PXDN: variants seen among roughly 807,000 people sequenced by gnomAD.
The protein encoded by PXDN is peroxidasin homolog.
PXDN carries 77 observed loss-of-function variants against 140.3 expected under a neutral mutation model. The ratio of observed to expected loss-of-function variants is 0.55; its 90% CI spans 0.46 to 0.66. The LOEUF is 0.66. Ranked by LOEUF, PXDN falls within the 30% of genes least tolerant of loss-of-function variation. The pLI is 0.00. For synonymous variants in PXDN, 911 were observed against 857.4 expected, an observed-to-expected ratio of 1.06 and a Z score of -1.09; for missense variants, 1,838 against 2,039.5, an observed-to-expected ratio of 0.90 and a Z score of 1.90.
chr2:1,686,440 C>T (rs1684059343), intron 4 of PXDN, among the ~76,000 whole-genome samples: 1 of 152,148 alleles, frequency 6.6e-6, no homozygotes, highest in Non-Finnish European at 1.5e-5. Flanking sequence ...CTTGCCCTTT[C>T]CTTCCTTAAA....
At chr2:1,716,816 G>A (rs1318411572) in intron 1 of PXDN, among the ~76,000 whole-genome samples, 1 of 152,166 alleles carries the variant, frequency 6.6e-6, no homozygotes, top group South Asian at 2.1e-4. Context: ...CAAACATGAG[G>A]GGCTGGAAAA....
chr2:1,709,594 G>A (rs974068322), intron 1 of PXDN, among the ~76,000 whole-genome samples: 2 of 152,168 alleles, frequency 1.3e-5, no homozygotes, highest in Non-Finnish European at 2.9e-5. Flanking sequence ...AACAAGATGC[G>A]CTCCTGACTG....
In PXDN at chr2:1,638,948, G is replaced by A. The variant is rs1447444077; in HGVS notation, c.4104C>T (p.Asn1368=). ...SVGRQGEHLS[N]STSAFSTRSD... ...AGCGTGTGCTGAAGGCTGAGGTGCTGTTGCTGAGATGTTCCCCCTGTCTCC... is the reference window on the plus strand; with the variant it reads ...AGCGTGTGCTGAAGGCTGAGGTGCTATTGCTGAGATGTTCCCCCTGTCTCC... Residue 1368 remains asparagine (N), a synonymous_variant, in exon 21 of 23, where the codon AAC becomes AAT. Transcript: ENST00000252804. 4 of 1,613,876 alleles carry A rather than the reference G, an allele frequency of 2.5e-6. No homozygotes were observed. In the African/African-American group the frequency reaches 4.0e-5, roughly 16 times the overall value.
At chr2:1,682,595 A>C (rs1382882340) in intron 6 of PXDN, among the ~76,000 whole-genome samples, 1 of 152,228 alleles carries the variant, frequency 6.6e-6, no homozygotes, top group African/African-American at 2.4e-5. Flanking sequence ...AAAATGCCTT[A>C]ATTATAAGAA....
At chr2:1,640,548 A>G in intron 19 of PXDN, among the ~76,000 whole-genome samples, 1 of 152,170 alleles carries the variant, frequency 6.6e-6, no homozygotes, top group Non-Finnish European at 1.5e-5. Context: ...AAACAGTCCC[A>G]CTGAATGTGT....
chr2:1,739,518 ACT>A (rs1685492668), intron 1 of PXDN, among the ~76,000 whole-genome samples: 1 of 152,138 alleles, frequency 6.6e-6, no homozygotes, highest in South Asian at 2.1e-4. Flanking sequence ...GAGCTCAATT[ACT>A]CTGACTTCCT....
chr2:1,727,213 A>C (rs1473691710), intron 1 of PXDN, among the ~76,000 whole-genome samples: 1 of 152,086 alleles, frequency 6.6e-6, no homozygotes, highest in African/African-American at 2.4e-5. Context: ...CACCCGGAGA[A>C]CCGCCACCGC....
In PXDN at chr2:1,676,919, C is replaced by G. The variant is rs1315223461; in HGVS notation, c.848+8G>C. On this transcript the variant is annotated splice_region_variant and intron_variant, in intron 8 of 22. Transcript: ENST00000252804. ...GCACAGGGGCATTTCTGTTTGGCCC[C>G]AACTCACTTGTTTCGCAGCCAGATG... 1 of 1,606,942 alleles carries G rather than the reference C, an allele frequency of 6.2e-7. No homozygotes were observed. The highest frequency in any genetic ancestry group is 1.7e-5 in the Admixed American group (1 of 59,204).
rs200165922 is a variant in PXDN, at chr2:1,647,390, G to C, written c.3608+782C>G. Among the ~76,000 whole-genome samples, 11 of 152,300 alleles carry C rather than the reference G, an allele frequency of 7.2e-5. No homozygotes were observed. In the East Asian group the frequency reaches 1.4e-3, roughly 19 times the overall value. On this transcript the variant is annotated intron_variant, in intron 17 of 22. Transcript: ENST00000252804. The stretch of plus-strand genomic sequence containing the variant: ...TGGGAAGGGGACTGGCTATGGACCC[G>C]GCAGCCCTGATCCTACCCCAGTCCT...
At position 1,643,478 on chromosome 2, in the gene PXDN, ATGT is replaced by A. The variant is rs779277565; in HGVS notation, c.3839_3841del (p.Asn1280del). 8 of 1,613,796 alleles carry A rather than the reference ATGT, an allele frequency of 5.0e-6. No individual in the cohort carries two copies. The African/African-American group carries it at 1.1e-4, about 22-fold the overall frequency. ...GAACACGTCGCTCTGCACCCGGGTG[ATGT>A]TGTCCGCGTTGTCGCATAGGATCCT... On this transcript the variant is annotated inframe_deletion, in exon 19 of 23. Coordinates refer to ENST00000252804, the MANE Select transcript of PXDN (RefSeq NM_012293.3).
chr2:1,635,032 TTACC>T (rs1472802057), intron 22 of PXDN, among the ~76,000 whole-genome samples: 1 of 152,172 alleles, frequency 6.6e-6, no homozygotes, highest in Admixed American at 6.5e-5. Context: ...AGGTCAGTGT[TTACC>T]CACCAGCTCT....
Position 1,710,130 on chromosome 2 carries a change from G to A in PXDN, c.201-16996C>T, listed in dbSNP as rs569556362. 7.9e-5 allele frequency among the ~76,000 whole-genome samples: 12 copies of A among 152,268 alleles called. No homozygotes were observed. The East Asian group carries it at 9.7e-4, about 12-fold the overall frequency. ...AATAGCCCTGCAATGACAAGCTTTC[G>A]GTACATCCCATCTGTGATGCGTGTT... is the stretch of plus-strand genomic sequence containing the variant. On this transcript the variant is annotated intron_variant, in intron 1 of 22. Transcript: ENST00000252804.
chr2:1,740,313 G>A lies in PXDN; in HGVS notation c.200+3943C>T, dbSNP rs192994439. On this transcript the variant is annotated intron_variant, in intron 1 of 22. Transcript: ENST00000252804. ...CGTGTGAGGAGGAGAGGTCCTCTCC[G>A]AAAGGCAGCCAGTTCTCCAAGGGAG... Among the ~76,000 whole-genome samples, 342 of 152,290 alleles carry A rather than the reference G, an allele frequency of 2.2e-3. 1 individual carries two copies. Among genetic ancestry groups the A allele is most frequent in the African/African-American group, 7.9e-3 (329 of 41,568 alleles).
intron 5 of PXDN, 80 bp downstream of exon 5, chr2:1,684,000 T>C (rs1463026169): frequency 3.0e-6 from 4 of 1,314,380 alleles, no homozygotes; most frequent in Non-Finnish European, 4.2e-6. Context: ...GTTTGGTAGA[T>C]ATTGACCTTA....
rs3811613 is a variant in PXDN at position 1,648,888 on chromosome 2, G to C, written c.2892C>G (p.Asn964Lys). The C allele has an allele frequency of 3.7e-6, 6 of 1,601,648 alleles. No individual in the cohort carries two copies. The highest frequency in any genetic ancestry group is 1.7e-5 in the Admixed American group (1 of 59,474). Residue 964 changes from asparagine (N) to lysine (K), a missense_variant, in exon 17 of 23, where the codon AAC becomes AAG. Transcript: ENST00000252804. This position sits in a 1 kb window ranked among gnomAD's most constrained non-coding sequence, Gnocchi z 8.9. Reference sequence around the variant, plus strand: ...CCAGGAAGCAGGGGATGGGGCTCTCGTTCTCGTCCCGCATGCACTCCGTGG... The same window carrying C: ...CCAGGAAGCAGGGGATGGGGCTCTCCTTCTCGTCCCGCATGCACTCCGTGG... ...GPPTECMRDE[N>K]ESPIPCFLAG...
intron 4 of PXDN, among the ~76,000 whole-genome samples, chr2:1,686,879 G>A (rs565155462): frequency 4.6e-5 from 7 of 152,310 alleles, no homozygotes; most frequent in Non-Finnish European, 4.4e-5. Context: ...GCAGGAGGAC[G>A]TCACGCTGCG....
intron 5 of PXDN, 124 bp from the exon 6 acceptor site, chr2:1,683,851 T>C (rs1354658484): frequency 5.6e-6 from 5 of 898,664 alleles, no homozygotes; most frequent in Non-Finnish European, 8.4e-6. Flanking sequence ...ATTTATTTAA[T>C]ACAAATGAAT....
At chr2:1,634,738 C>G (rs570258822) in intron 22 of PXDN, among the ~76,000 whole-genome samples, 98 of 152,284 alleles carry the variant, frequency 6.4e-4, no homozygotes, top group Admixed American at 1.4e-3. Flanking sequence ...TTTGCTCTTC[C>G]CCGGTCTGCC....
At chr2:1,654,754 T>A (rs867917811) in intron 14 of PXDN, among the ~76,000 whole-genome samples, 1 of 152,210 alleles carries the variant, frequency 6.6e-6, no homozygotes, top group Non-Finnish European at 1.5e-5. Context: ...GAAGTAGTTA[T>A]AATGTGAAGC....
Sources: allele counts gnomAD v4.1 joint callset (sites outside exome capture counted in the v4.1 genomes callset), GRCh38; gene constraint gnomAD v4.1.1; non-coding constraint Gnocchi (gnomAD v3.1); transcripts MANE v1.5; gene names NCBI Gene and HGNC (gene_info 2026-07-23, HGNC 2026-07-21).